The following SLC13A3 variants were observed in gnomAD, a reference collection of about 807,000 sequenced individuals.
SLC13A3 encodes the protein solute carrier family 13 member 3, also known as Na(+)/dicarboxylate cotransporter 3.
A neutral mutation model predicts 59.0 loss-of-function variants in SLC13A3; 40 were observed. The observed-to-expected ratio is 0.68, with a 90% CI of 0.53 to 0.88. SLC13A3 has a LOEUF of 0.88. SLC13A3 is among the 40% of genes least tolerant of loss of function. The pLI, the probability that SLC13A3 is intolerant of heterozygous loss-of-function variation, is 0.00. For synonymous variants in SLC13A3, 317 were observed against 330.3 expected (o/e 0.96, Z 0.44); for missense variants, 699 against 783.2 (o/e 0.89, Z 1.28).
rs563620644 is a variant in SLC13A3 at position 46,632,301 on chromosome 20, C to A, written c.112-18576G>T. On this transcript the variant is annotated intron_variant, in intron 1 of 12. Transcript: ENST00000279027. ...GGACTGAGCCTGCGAAGTGCCAGACCCTCTGGAGCTACATAGTGTTTGAAG... is the reference window on the plus strand; with the variant it reads ...GGACTGAGCCTGCGAAGTGCCAGACACTCTGGAGCTACATAGTGTTTGAAG... 3.9e-5 allele frequency among the ~76,000 whole-genome samples: 6 copies of A among 152,294 alleles called. No individual in the cohort carries two copies. The East Asian group carries it at 9.6e-4, about 24-fold the overall frequency.
chr20:46,677,902 C>T (rs770961813), intron 1 of SLC13A3, among the ~76,000 whole-genome samples: 2 of 152,112 alleles, frequency 1.3e-5, no homozygotes, highest in East Asian at 1.9e-4. Context: ...GATCTCCTGA[C>T]GATGTTTCCA....
At chr20:46,585,694 A>T in intron 8 of SLC13A3, 2 of 1,298,682 alleles carry the variant, frequency 1.5e-6, no homozygotes, top group South Asian at 2.5e-5. Context: ...GATTTAGCTG[A>T]TCTTCACATT....
chr20:46,566,550 G>T (rs777419712), intron 10 of SLC13A3, 160 bp from the exon 11 acceptor site: 25 of 704,016 alleles, frequency 3.6e-5, no homozygotes, highest in Non-Finnish European at 1.1e-5. Context: ...TCACACATTC[G>T]AGCCAAGGTC....
At chr20:46,574,825 G>GT (rs984542280) in intron 10 of SLC13A3, among the ~76,000 whole-genome samples, 2 of 128,798 alleles carry the variant, frequency 1.6e-5, no homozygotes, top group African/African-American at 5.8e-5. Flanking sequence ...TGTAAAGCAT[G>GT]TTTTTTTCTT....
chr20:46,591,164 CTAAATAAA>C (rs56802241), intron 6 of SLC13A3, among the ~76,000 whole-genome samples: 9,240 of 149,018 alleles, frequency 0.062, 648 homozygotes, highest in African/African-American at 0.17. Context: ...GAGACTTTGT[CTAAATAAA>C]TAAATAAATA....
intron 7 of SLC13A3, 132 bp downstream of exon 7, chr20:46,589,028 C>A: frequency 1.3e-6 from 1 of 759,756 alleles, no homozygotes; most frequent in Non-Finnish European, 2.2e-6. Context: ...TCCTCCATCT[C>A]TAGGCTCCCA....
At chr20:46,566,424 C>T (rs753368723) in intron 10 of SLC13A3, 34 bp from the exon 11 acceptor site, 2 of 1,593,150 alleles carry the variant, frequency 1.3e-6, no homozygotes, top group Admixed American at 3.4e-5. Flanking sequence ...CATACCCCAG[C>T]CCATCCCCAG....
At chr20:46,667,534 C>T (rs1353142357) in intron 1 of SLC13A3, among the ~76,000 whole-genome samples, 1 of 152,210 alleles carries the variant, frequency 6.6e-6, no homozygotes, top group Non-Finnish European at 1.5e-5. Context: ...CCACACCTTA[C>T]TATTTGCCAG....
chr20:46,570,036 G>T lies in SLC13A3; in HGVS notation c.1333-3646C>A, dbSNP rs142935753. Reference sequence around the variant, plus strand: ...TTGTATAATAATTCCTAGGTAAAGAGACCAGCGAATTTGATTAAAGGAAGG... The same window carrying T: ...TTGTATAATAATTCCTAGGTAAAGATACCAGCGAATTTGATTAAAGGAAGG... On this transcript the variant is annotated intron_variant, in intron 10 of 12. Coordinates refer to ENST00000279027, the MANE Select transcript of SLC13A3 (RefSeq NM_022829.6). Among the ~76,000 whole-genome samples the T allele has an allele frequency of 5.9e-5, 9 of 152,252 alleles. No homozygotes were observed. The East Asian group carries it at 1.7e-3, about 29-fold the overall frequency.
intron 8 of SLC13A3, chr20:46,585,517 T>C (rs533433626): frequency 1.3e-5 from 13 of 1,017,726 alleles, no homozygotes; most frequent in South Asian, 7.3e-5. Context: ...ATATGTTTCA[T>C]TGAGGTATAA....
intron 8 of SLC13A3, chr20:46,585,821 A>G: frequency 1.6e-6 from 2 of 1,254,716 alleles, no homozygotes; most frequent in Non-Finnish European, 2.1e-6. Context: ...GCTTCATGAA[A>G]TTATATTGTT....
At chr20:46,668,508 A>G (rs1232599276) in intron 1 of SLC13A3, among the ~76,000 whole-genome samples, 1 of 152,222 alleles carries the variant, frequency 6.6e-6, no homozygotes, top group Non-Finnish European at 1.5e-5. Context: ...CTGCAGAAGA[A>G]AAGTTTGAAG....
intron 10 of SLC13A3, among the ~76,000 whole-genome samples, chr20:46,572,744 C>G (rs1267295398): frequency 6.6e-6 from 1 of 152,158 alleles, no homozygotes; most frequent in Admixed American, 6.5e-5. Flanking sequence ...GCAACTTTAC[C>G]AGGTGGGTGC....
At chr20:46,575,542 C>T (rs2062067055) in intron 10 of SLC13A3, 31 bp downstream of exon 10, 1 of 1,378,514 alleles carries the variant, frequency 7.3e-7, no homozygotes, top group African/African-American at 1.4e-5. Flanking sequence ...TCCCACTGTT[C>T]CTGCTGGTTG....
rs145642276 is a variant in SLC13A3 at position 46,661,224 on chromosome 20, G to A, written c.-31+8819C>T. 4.4e-3 allele frequency among the ~76,000 whole-genome samples: 676 copies of A among 152,284 alleles called. 6 individuals carry two copies. The highest frequency in any genetic ancestry group is 0.015 in the African/African-American group (621 of 41,550). ...TTTGTAAGAAAGAACAGTAGAGAAT[G>A]AAGTAAATAATATTTACCTCCAGAA... On this transcript the variant is annotated intron_variant, in intron 1 of 12. Transcript: ENST00000290317.
rs540542826 is a variant in SLC13A3, at chr20:46,612,892, T to TC, written c.377+567dup. Among the ~76,000 whole-genome samples, 14 of 152,092 alleles carry TC rather than the reference T, an allele frequency of 9.2e-5. No individual in the cohort carries two copies. The South Asian group carries it at 2.1e-3, about 23-fold the overall frequency. ...AGCCCATCTTCCCACATCCTCTGCA[T>TC]CCCCCCACCTTCAACTCCCACCTGA... is the stretch of plus-strand genomic sequence containing the variant. On this transcript the variant is annotated intron_variant, in intron 2 of 12. Transcript: ENST00000279027.
intron 3 of SLC13A3, among the ~76,000 whole-genome samples, chr20:46,603,595 C>T (rs1357376914): frequency 1.3e-5 from 2 of 150,858 alleles, no homozygotes; most frequent in African/African-American, 4.9e-5. Flanking sequence ...GCTATGTTGC[C>T]CAGGCTGGTC....
rs151078408 is a variant in SLC13A3 at position 46,603,179 on chromosome 20, G to A, written c.542-3142C>T. Reference sequence around the variant, plus strand: ...GCCTGGGCAACAAGAGCAAAATTTCGTCTCAAAAAAAAAAAAGAGTTAACT... The same window carrying A: ...GCCTGGGCAACAAGAGCAAAATTTCATCTCAAAAAAAAAAAAGAGTTAACT... On this transcript the variant is annotated intron_variant, in intron 3 of 12. Coordinates refer to ENST00000279027, the MANE Select transcript of SLC13A3 (RefSeq NM_022829.6). 7.3e-3 allele frequency among the ~76,000 whole-genome samples: 1,097 copies of A among 149,456 alleles called. 18 individuals are homozygous for A. The highest frequency in any genetic ancestry group is 0.026 in the African/African-American group (1,047 of 40,406).
intron 1 of SLC13A3, among the ~76,000 whole-genome samples, chr20:46,620,288 G>A (rs781448593): frequency 6.6e-6 from 1 of 152,176 alleles, no homozygotes; most frequent in Non-Finnish European, 1.5e-5. Context: ...GAGAGGTTAA[G>A]ACAAGGGATC....
Sources: gnomAD v4.1 joint callset for allele counts (sites outside exome capture counted in the v4.1 genomes callset) on GRCh38, gnomAD v4.1.1 for gene constraint, MANE v1.5 for transcripts, NCBI Gene and HGNC (gene_info 2026-07-23, HGNC 2026-07-21) for gene names.